CDYL2: variants seen among roughly 807,000 people sequenced by gnomAD.
CDYL2 encodes the protein chromodomain Y like 2, also known as chromodomain Y-like protein 2.
Under a neutral mutation model 49.4 loss-of-function variants are expected in CDYL2, and 23 were observed. That is an observed-to-expected ratio of 0.47 (90% CI 0.34 to 0.66). CDYL2 has a LOEUF of 0.66. Among genes scored for constraint, CDYL2 ranks in the 30% least tolerant of loss-of-function variants. The pLI is 0.01. For synonymous variants in CDYL2, 360 were observed against 268.8 expected, an observed-to-expected ratio of 1.34 and a Z score of -3.32; for missense variants, 678 against 656.4, an observed-to-expected ratio of 1.03 and a Z score of -0.36.
chr16:80,612,942 G>C lies in CDYL2; in HGVS notation c.1008-106C>G. 1 of 1,023,844 alleles carries C rather than the reference G, an allele frequency of 9.8e-7. No homozygotes were observed. Among genetic ancestry groups the C allele is most frequent in the Non-Finnish European group, 1.4e-6 (1 of 718,720 alleles). 63.4% of individuals were successfully genotyped at this position (1,023,844 alleles called of 1,614,324 possible). On this transcript the variant is annotated intron_variant, in intron 4 of 6. Coordinates refer to ENST00000570137, the MANE Select transcript of CDYL2 (RefSeq NM_152342.4). The surrounding 1 kb of genome is among the most constrained non-coding windows in gnomAD (Gnocchi z 5.0). ...TGTGAGGAGCACCCTCAGGTCGTCA[G>C]AGGTTAGAGGTGCCAGGCAAGGGCC...
intron 6 of CDYL2, 99 bp downstream of exon 6, chr16:80,607,993 G>A (rs1367198899): frequency 1.4e-5 from 19 of 1,368,126 alleles, no homozygotes; most frequent in Non-Finnish European, 1.5e-5. Flanking sequence ...TTCCCTGTGC[G>A]ACCTCTAGCA....
intron 1 of CDYL2, among the ~76,000 whole-genome samples, chr16:80,745,520 G>C (rs528664644): frequency 2.0e-5 from 3 of 152,108 alleles, no homozygotes; most frequent in Non-Finnish European, 4.4e-5. Context: ...TCCCTAAAAA[G>C]AATATAAAAA....
intron 1 of CDYL2, among the ~76,000 whole-genome samples, chr16:80,731,898 A>G (rs1905337953): frequency 7.0e-6 from 1 of 143,592 alleles, no homozygotes; most frequent in Non-Finnish European, 1.5e-5. Context: ...AACACATAAG[A>G]GATGCAGCAC....
At position 80,648,276 on chromosome 16, in the gene CDYL2, C is replaced by A. The variant is rs150651242; in HGVS notation, c.617-15040G>T. 6.1e-3 allele frequency among the ~76,000 whole-genome samples: 932 copies of A among 151,948 alleles called. 18 individuals are homozygous for A. Among genetic ancestry groups the A allele is most frequent in the East Asian group, 0.038 (195 of 5,168 alleles). On this transcript the variant is annotated intron_variant, in intron 2 of 6. Coordinates refer to ENST00000570137, the MANE Select transcript of CDYL2 (RefSeq NM_152342.4). ...AAACATTTAGCCAGACTAAGAAAAA[C>A]AGAGAGAAGACCCAAATTAATAACA... is the stretch of plus-strand genomic sequence containing the variant.
At chr16:80,753,595 C>T (rs1906211129) in intron 1 of CDYL2, among the ~76,000 whole-genome samples, 1 of 151,774 alleles carries the variant, frequency 6.6e-6, no homozygotes, top group Non-Finnish European at 1.5e-5. Context: ...GCAATGAGAG[C>T]AAAACTCCAT....
intron 1 of CDYL2, among the ~76,000 whole-genome samples, chr16:80,773,807 T>C (rs8049103): frequency 3.9e-5 from 6 of 152,140 alleles, no homozygotes; most frequent in African/African-American, 1.2e-4. Flanking sequence ...TTTTAATTTA[T>C]ATATTTAGGA....
At chr16:80,645,645 A>T (rs1483660969) in intron 2 of CDYL2, among the ~76,000 whole-genome samples, 3 of 152,148 alleles carry the variant, frequency 2.0e-5, no homozygotes, top group African/African-American at 7.2e-5. Flanking sequence ...GTATATATCC[A>T]AAGGATTATA....
chr16:80,681,979 C>A (rs1266666829), intron 2 of CDYL2, among the ~76,000 whole-genome samples: 1 of 152,144 alleles, frequency 6.6e-6, no homozygotes, highest in Non-Finnish European at 1.5e-5. Context: ...AAGGTCCCAC[C>A]CCCCACACAT....
chr16:80,698,744 CCTTCTG>C (rs1312897132), intron 1 of CDYL2, among the ~76,000 whole-genome samples: 1 of 152,238 alleles, frequency 6.6e-6, no homozygotes, highest in East Asian at 1.9e-4. Flanking sequence ...TTCCCCTTCA[CCTTCTG>C]CCATGATTGT....
intron 2 of CDYL2, among the ~76,000 whole-genome samples, chr16:80,637,122 C>T (rs1281926319): frequency 6.6e-6 from 1 of 151,832 alleles, no homozygotes; most frequent in Non-Finnish European, 1.5e-5. Context: ...TTGATAGGTG[C>T]AGCAAACCAC....
intron 3 of CDYL2, among the ~76,000 whole-genome samples, chr16:80,629,577 C>T (rs934918473): frequency 1.3e-5 from 2 of 152,182 alleles, no homozygotes; most frequent in African/African-American, 4.8e-5. Flanking sequence ...GAGACTGTGT[C>T]ATCTGTTTCA....
At chr16:80,773,726 G>C (rs371800919) in intron 1 of CDYL2, among the ~76,000 whole-genome samples, 8 of 152,066 alleles carry the variant, frequency 5.3e-5, no homozygotes, top group African/African-American at 1.7e-4. Context: ...TTTAAACTCA[G>C]TAATCATAAA....
chr16:80,725,467 T>A (rs547491497), intron 1 of CDYL2, among the ~76,000 whole-genome samples: 1 of 152,232 alleles, frequency 6.6e-6, no homozygotes, highest in African/African-American at 2.4e-5. Context: ...TCCTGTTCAC[T>A]GCTGTGTCCC....
At chr16:80,757,938 T>A (rs1906370771) in intron 1 of CDYL2, among the ~76,000 whole-genome samples, 1 of 152,150 alleles carries the variant, frequency 6.6e-6, no homozygotes, top group African/African-American at 2.4e-5. Context: ...CATAAATTCA[T>A]ATGTAAGATA....
At chr16:80,803,387 A>T (rs73583957) in intron 1 of CDYL2, among the ~76,000 whole-genome samples, 39,385 of 151,920 alleles carry the variant, frequency 0.26, 5,589 homozygotes, top group African/African-American at 0.38. Flanking sequence ...TATGTCCCCA[A>T]CACCTCAGAC....
intron 2 of CDYL2, among the ~76,000 whole-genome samples, chr16:80,684,294 A>G (rs567777949): frequency 1.2e-3 from 185 of 152,080 alleles, no homozygotes; most frequent in Non-Finnish European, 2.0e-3. Context: ...GGAACTTTGG[A>G]CCCATTCCAG....
At chr16:80,639,217 T>C (rs1567551440) in intron 2 of CDYL2, among the ~76,000 whole-genome samples, 1 of 152,162 alleles carries the variant, frequency 6.6e-6, no homozygotes, top group Admixed American at 6.5e-5. Flanking sequence ...CTGGAGAGGA[T>C]GCCGAGTGAC....
At chr16:80,689,624 T>C (rs143825105) in intron 1 of CDYL2, among the ~76,000 whole-genome samples, 144 of 152,140 alleles carry the variant, frequency 9.5e-4, no homozygotes, top group African/African-American at 3.1e-3. Flanking sequence ...GCATGAACCA[T>C]TGGAACAGCA....
At chr16:80,648,331 A>G (rs762715019) in intron 2 of CDYL2, among the ~76,000 whole-genome samples, 3 of 152,154 alleles carry the variant, frequency 2.0e-5, no homozygotes, top group Non-Finnish European at 4.4e-5. Context: ...TTTAACTGAT[A>G]CTGCAGAAAT....
Sources: gnomAD v4.1 joint callset for allele counts (sites outside exome capture counted in the v4.1 genomes callset) on GRCh38, gnomAD v4.1.1 for gene constraint, Gnocchi (gnomAD v3.1) non-coding constraint, MANE v1.5 for transcripts, NCBI Gene and HGNC (gene_info 2026-07-23, HGNC 2026-07-21) for gene names.